Variants in LRRC4C observed in about 807,000 individuals in gnomAD.
LRRC4C encodes leucine-rich repeat-containing protein 4C.
In LRRC4C, 5 loss-of-function variants were observed where a neutral mutation model predicts 33.6. That is an observed-to-expected ratio of 0.15 (90% CI 0.08 to 0.31). The LOEUF (loss-of-function observed/expected upper bound fraction) is 0.31. Among genes scored for constraint, LRRC4C ranks in the 10% least tolerant of loss-of-function variants. The pLI, the probability that LRRC4C is intolerant of heterozygous loss-of-function variation, is 1.00. For synonymous variants in LRRC4C, 329 were observed against 302.0 expected, an observed-to-expected ratio of 1.09 and a Z score of -0.93; for missense variants, 560 against 796.7, an observed-to-expected ratio of 0.70 and a Z score of 3.58.
At chr11:40,273,985 T>C (rs977668424) in intron 4 of LRRC4C, among the ~76,000 whole-genome samples, 4 of 152,066 alleles carry the variant, frequency 2.6e-5, no homozygotes, top group Admixed American at 6.6e-5. Flanking sequence ...GCAGTGGCTA[T>C]AGGGCATTTG....
chr11:40,296,476 A>C (rs531059377), intron 4 of LRRC4C, among the ~76,000 whole-genome samples: 1 of 152,276 alleles, frequency 6.6e-6, no homozygotes, highest in Admixed American at 6.5e-5. Flanking sequence ...ACCCAGATCT[A>C]CTCAATGCCA....
chr11:40,960,080 A>C (rs1247127795), intron 1 of LRRC4C, among the ~76,000 whole-genome samples: 1 of 151,492 alleles, frequency 6.6e-6, no homozygotes, highest in Non-Finnish European at 1.5e-5. Context: ...AAAAGATAAA[A>C]AGGACATGAA....
At chr11:40,427,480 C>T (rs1022236971) in intron 3 of LRRC4C, among the ~76,000 whole-genome samples, 3 of 152,022 alleles carry the variant, frequency 2.0e-5, no homozygotes, top group African/African-American at 7.2e-5. Flanking sequence ...GCACTCTGGC[C>T]TGGGCAAACA....
chr11:40,948,309 A>T (rs1958507164), intron 1 of LRRC4C, among the ~76,000 whole-genome samples: 1 of 152,298 alleles, frequency 6.6e-6, no homozygotes, highest in South Asian at 2.1e-4. Flanking sequence ...CGTGGGTTTT[A>T]CTAATTATTT....
At chr11:40,181,863 G>A (rs1861032809) in intron 5 of LRRC4C, among the ~76,000 whole-genome samples, 1 of 152,108 alleles carries the variant, frequency 6.6e-6, no homozygotes, top group African/African-American at 2.4e-5. Flanking sequence ...GCTTACCCCG[G>A]GACTCAGAGT....
intron 5 of LRRC4C, among the ~76,000 whole-genome samples, chr11:40,176,655 C>T (rs369644449): frequency 6.6e-6 from 1 of 151,972 alleles, no homozygotes. Context: ...ATCCTCCAGC[C>T]TCAGCCTCTT....
intron 3 of LRRC4C, among the ~76,000 whole-genome samples, chr11:40,611,572 G>A: frequency 6.6e-6 from 1 of 151,480 alleles, no homozygotes. Context: ...ACAGAGAAAA[G>A]GACAACATAT....
intron 1 of LRRC4C, among the ~76,000 whole-genome samples, chr11:41,220,653 T>C (rs1377922095): frequency 6.6e-6 from 1 of 151,976 alleles, no homozygotes; most frequent in Non-Finnish European, 1.5e-5. Flanking sequence ...AAAAATGATT[T>C]GTGTGGAAAC....
At chr11:40,551,191 A>C (rs1268119806) in intron 3 of LRRC4C, among the ~76,000 whole-genome samples, 1 of 152,078 alleles carries the variant, frequency 6.6e-6, no homozygotes, top group African/African-American at 2.4e-5. Flanking sequence ...TACAAGAGCT[A>C]TGGTTAAATG....
intron 1 of LRRC4C, among the ~76,000 whole-genome samples, chr11:41,071,578 G>GA (rs1022584705): frequency 3.9e-5 from 6 of 152,202 alleles, no homozygotes; most frequent in Admixed American, 6.5e-5. Flanking sequence ...CTACTGCTCA[G>GA]AAAAAATGAT....
intron 1 of LRRC4C, among the ~76,000 whole-genome samples, chr11:40,988,675 G>T (rs1240730936): frequency 3.3e-5 from 5 of 149,888 alleles, no homozygotes; most frequent in African/African-American, 1.2e-4. Context: ...CTGTTCCAGT[G>T]CAAACAACCC....
At chr11:41,293,388 C>A (rs7116871) in intron 1 of LRRC4C, among the ~76,000 whole-genome samples, 1 of 151,602 alleles carries the variant, frequency 6.6e-6, no homozygotes, top group African/African-American at 2.4e-5. Flanking sequence ...GATATACATA[C>A]GGTAAGAATT....
chr11:41,310,426 G>C (rs923091823), intron 1 of LRRC4C, among the ~76,000 whole-genome samples: 67 of 152,148 alleles, frequency 4.4e-4, no homozygotes, highest in African/African-American at 1.6e-3. Context: ...AGACTGCCTG[G>C]GTTCCAAACC....
At chr11:40,515,375 A>G (rs1458717222) in intron 3 of LRRC4C, among the ~76,000 whole-genome samples, 1 of 152,124 alleles carries the variant, frequency 6.6e-6, no homozygotes, top group Non-Finnish European at 1.5e-5. Context: ...GAAAATGTTC[A>G]AAATATTTTA....
At chr11:41,264,079 A>C (rs963269374) in intron 1 of LRRC4C, among the ~76,000 whole-genome samples, 8 of 137,592 alleles carry the variant, frequency 5.8e-5, no homozygotes, top group African/African-American at 1.9e-4. Flanking sequence ...GATACATACA[A>C]ATTTCCTTTT....
At chr11:40,741,339 C>T (rs1948149228) in intron 2 of LRRC4C, among the ~76,000 whole-genome samples, 1 of 152,034 alleles carries the variant, frequency 6.6e-6, no homozygotes, top group Non-Finnish European at 1.5e-5. Flanking sequence ...TACCCCCTAG[C>T]ACCCATATTA....
At chr11:40,137,617 A>G (rs940505224) in intron 6 of LRRC4C, among the ~76,000 whole-genome samples, 15 of 152,178 alleles carry the variant, frequency 9.9e-5, no homozygotes, top group Non-Finnish European at 1.8e-4. Context: ...TTTTGCCTTA[A>G]AAGCTATGAA....
intron 3 of LRRC4C, among the ~76,000 whole-genome samples, chr11:40,566,086 G>GTTTTTTTTTTTT: frequency 3.2e-5 from 2 of 62,776 alleles, no homozygotes; most frequent in African/African-American, 1.3e-4. Flanking sequence ...TTTTTACTAA[G>GTTTTTTTTTTTT]TTTTTTTTTT....
intron 3 of LRRC4C, among the ~76,000 whole-genome samples, chr11:40,424,907 T>G (rs953795218): frequency 6.6e-6 from 1 of 152,234 alleles, no homozygotes; most frequent in African/African-American, 2.4e-5. Context: ...GTTTTTCTAA[T>G]GAGTAAGCAT....
Sources: allele counts gnomAD v4.1 joint callset (sites outside exome capture counted in the v4.1 genomes callset), GRCh38; gene constraint gnomAD v4.1.1; transcripts MANE v1.5; gene names NCBI Gene and HGNC (gene_info 2026-07-23, HGNC 2026-07-21).